Variants in TMEM42 observed in about 807,000 individuals in gnomAD.
The protein encoded by TMEM42 is transmembrane protein 42.
TMEM42 carries 8 observed loss-of-function variants against 14.0 expected under a neutral mutation model. The ratio of observed to expected loss-of-function variants is 0.57; its 90% CI spans 0.34 to 1.03. The LOEUF (loss-of-function observed/expected upper bound fraction) is 1.03. Among genes scored for constraint, TMEM42 ranks in the 50% least tolerant of loss-of-function variants. The pLI is 0.03. For missense variants in TMEM42, 211 were observed against 219.8 expected (o/e 0.96, Z 0.25); for synonymous variants, 115 against 94.3 (o/e 1.22, Z -1.27).
chr3:44,862,491 C>G (rs559009066), intron 1 of TMEM42: 1 of 152,722 alleles, frequency 6.5e-6, no homozygotes, highest in Non-Finnish European at 1.5e-5. Context: ...TTTTAAGTCC[C>G]TTGTGCCTGA....
In TMEM42 at chr3:44,862,071, C is replaced by T. The variant is rs1699260241; in HGVS notation, c.147C>T (p.Phe49=). Residue 49 remains phenylalanine, a synonymous_variant, in exon 1 of 3, where the codon TTC becomes TTT. Coordinates refer to ENST00000302392, the MANE Select transcript of TMEM42 (RefSeq NM_144638.3). The part of the protein sequence containing the change: ...GVFNCLCAGA[F]GALAAASAKL... ...TCAACTGTCTGTGCGCCGGCGCGTT[C>T]GGGGCCCTGGCCGCCGCCTCCGCCA... The T allele has an allele frequency of 9.0e-7, 1 of 1,112,204 alleles. No individual in the cohort carries two copies. The allele number at this position is 1,112,204 out of a possible 1,614,324, so 68.9% of individuals were successfully genotyped here.
In TMEM42 at chr3:44,862,089, C is replaced by T. The variant is rs1477417484; in HGVS notation, c.165C>T (p.Ala55=). 2 of 1,297,678 alleles carry T rather than the reference C, an allele frequency of 1.5e-6. No individual in the cohort carries two copies. The highest frequency in any genetic ancestry group is 2.9e-5 in the East Asian group (1 of 34,498). 80.4% of individuals were successfully genotyped at this position (1,297,678 alleles called of 1,614,324 possible). Residue 55 remains alanine, a synonymous_variant, in exon 1 of 3, where the codon GCC becomes GCT. Transcript: ENST00000302392. ...CAGAFGALAA[A]SAKLAFGSEV... ...GCGCGTTCGGGGCCCTGGCCGCCGC[C>T]TCCGCCAAGCTGGCCTTCGGCAGCG...
intron 1 of TMEM42, chr3:44,862,857 T>TC (rs1219531980): frequency 6.6e-6 from 1 of 152,004 alleles, no homozygotes; most frequent in Non-Finnish European, 1.5e-5. Context: ...TTAGGGCTAA[T>TC]CCAGTAGTAG....
chr3:44,863,301 C>CG, intron 1 of TMEM42: 1 of 51,558 alleles, frequency 1.9e-5, no homozygotes, highest in South Asian at 1.7e-3. Context: ...AGATTCCGCA[C>CG]CCCCCCCCCC....
chr3:44,865,423 CAGTG>C lies in TMEM42; in HGVS notation c.*246_*249del. The C allele has an allele frequency of 2.0e-6, 1 of 502,942 alleles. No individual in the cohort carries two copies. The highest frequency in any genetic ancestry group is 3.6e-5 in the South Asian group (1 of 28,008). 31.2% of individuals were successfully genotyped at this position (502,942 alleles called of 1,614,324 possible). A position where few individuals can be genotyped will look rare whatever the true frequency, so the allele number is the denominator to read the frequency against. The stretch of plus-strand genomic sequence containing the variant: ...TGGATTCTTCCTCCCAGGCCTACCC[CAGTG>C]AGCCTTCGCAGATGCTGGAGATCCT... On this transcript the variant is annotated 3_prime_UTR_variant, in exon 3 of 3. Transcript: ENST00000302392.
At chr3:44,863,300 A>ACACCCCC (rs1699280373) in intron 1 of TMEM42, 1 of 35,060 alleles carries the variant, frequency 2.9e-5, no homozygotes, top group Non-Finnish European at 5.8e-5. Context: ...TAGATTCCGC[A>ACACCCCC]CCCCCCCCCC....
chr3:44,862,042 G>T lies in TMEM42; in HGVS notation c.118G>T (p.Val40Leu). 1 of 1,354,816 alleles carries T rather than the reference G, an allele frequency of 7.4e-7. No homozygotes were observed. 83.9% of individuals were successfully genotyped at this position (1,354,816 alleles called of 1,614,324 possible). A position where few individuals can be genotyped will look rare whatever the true frequency, so the allele number is the denominator to read the frequency against. ...AGAMRRRFWGVFNCLCAGAFG... is the reference protein window; with the variant it reads ...AGAMRRRFWGLFNCLCAGAFG... The stretch of plus-strand genomic sequence containing the variant: ...TGCGATGCGGCGCCGCTTTTGGGGC[G>T]TATTCAACTGTCTGTGCGCCGGCGC... Residue 40 changes from valine (V) to leucine (L), a missense_variant, in exon 1 of 3, where the codon GTA (valine) becomes TTA (leucine). By Grantham distance (32) the Val-to-Leu change is conservative. Transcript: ENST00000302392.
chr3:44,862,685 A>T (rs1464773371), intron 1 of TMEM42: 1 of 150,878 alleles, frequency 6.6e-6, no homozygotes. Context: ...GACGCTGAGA[A>T]CTCCTAAACT....
In TMEM42 at chr3:44,865,075, G is replaced by A. The variant is rs376440839; in HGVS notation, c.375G>A (p.Gln125=). 1 of 1,614,062 alleles carries A rather than the reference G, an allele frequency of 6.2e-7. No individual in the cohort carries two copies. The highest frequency in any genetic ancestry group is 1.3e-5 in the African/African-American group (1 of 74,912). ...GCTATGTGCTGTATGGAGAGTGCCA[G>A]GAGGTCTTGTGGTGGGGAGGAGTGT... ...FLGYVLYGEC[Q]EVLWWGGVFL... The change falls in exon 3 of 3, where the codon CAG becomes CAA. Residue 125 remains glutamine (Q), a synonymous_variant. Coordinates refer to ENST00000302392, the MANE Select transcript of TMEM42 (RefSeq NM_144638.3).
chr3:44,862,022 T>C lies in TMEM42; in HGVS notation c.98T>C (p.Met33Thr). Residue 33 changes from methionine (M) to threonine (T), a missense_variant, in exon 1 of 3, where the codon ATG (methionine) becomes ACG (threonine). Met to Thr is a moderately conservative substitution (Grantham distance 81, BLOSUM62 -1). Transcript: ENST00000302392. ...CCTCCGCACCTCCAGGCGGGTGCGATGCGGCGCCGCTTTTGGGGCGTATTC... is the reference window on the plus strand; with the variant it reads ...CCTCCGCACCTCCAGGCGGGTGCGACGCGGCGCCGCTTTTGGGGCGTATTC... ...EFPPHLQAGAMRRRFWGVFNC... is the reference protein window; with the variant it reads ...EFPPHLQAGATRRRFWGVFNC... 2.2e-6 allele frequency: 3 copies of C among 1,379,780 alleles called. No homozygotes were observed. The allele number at this position is 1,379,780 out of a possible 1,614,324, so 85.5% of individuals were successfully genotyped here.
At chr3:44,864,494 C>A in intron 2 of TMEM42, 151 bp downstream of exon 2, 1 of 860,748 alleles carries the variant, frequency 1.2e-6, no homozygotes, top group Non-Finnish European at 1.8e-6. Flanking sequence ...GTGCTCTATT[C>A]ATGGAGCAAA....
rs763612804 is a variant in TMEM42 at position 44,865,185 on chromosome 3, A to G, written c.*5A>G. ...CTTCCACACAAGCAGCAGTAGCACC[A>G]CTTGGCTAGACGGACCAGCTGGAAA... On this transcript the variant is annotated 3_prime_UTR_variant, in exon 3 of 3. Coordinates refer to ENST00000302392, the MANE Select transcript of TMEM42 (RefSeq NM_144638.3). 3.7e-6 allele frequency: 6 copies of G among 1,614,112 alleles called. 1 individual carries two copies. The highest frequency in any genetic ancestry group is 3.3e-5 in the South Asian group (3 of 91,066).
chr3:44,865,450 C>G lies in TMEM42; in HGVS notation c.*270C>G, dbSNP rs1209892351. 1 of 454,410 alleles carries G rather than the reference C, an allele frequency of 2.2e-6. No homozygotes were observed. The highest frequency in any genetic ancestry group is 4.0e-6 in the Non-Finnish European group (1 of 250,222). 28.1% of individuals were successfully genotyped at this position (454,410 alleles called of 1,614,324 possible). ...GTGAGCCTTCGCAGATGCTGGAGAT[C>G]CTGGGGTTGGTCTGCTTTGTGTATG... is the stretch of plus-strand genomic sequence containing the variant. On this transcript the variant is annotated 3_prime_UTR_variant, in exon 3 of 3. Coordinates refer to ENST00000302392, the MANE Select transcript of TMEM42 (RefSeq NM_144638.3).
chr3:44,862,830 T>C (rs1218240291), intron 1 of TMEM42: 1 of 152,002 alleles, frequency 6.6e-6, no homozygotes, highest in African/African-American at 2.4e-5. Context: ...TCACTGATTA[T>C]TTAGGGTTAA....
rs568980014 is a variant in TMEM42, at chr3:44,865,225, C to T, written c.*45C>T. ...CCAGCTGGAAAGATCATGATGGTGG[C>T]CCAGCCTTGGGATGTCATGTGGGAC... On this transcript the variant is annotated 3_prime_UTR_variant, in exon 3 of 3. Transcript: ENST00000302392. The T allele has an allele frequency of 2.5e-6, 4 of 1,612,214 alleles. No individual in the cohort carries two copies. In the South Asian group the frequency reaches 3.3e-5, roughly 13 times the overall value.
intron 1 of TMEM42, chr3:44,862,893 A>G (rs1484618774): frequency 6.6e-6 from 1 of 151,984 alleles, no homozygotes; most frequent in Admixed American, 6.6e-5. Flanking sequence ...TTAGTATCCC[A>G]TTGGGTGTAG....
chr3:44,863,068 A>T (rs138276128), intron 1 of TMEM42: 3 of 152,090 alleles, frequency 2.0e-5, no homozygotes, highest in African/African-American at 7.2e-5. Flanking sequence ...GCAAATTTGC[A>T]AATTTAAAAC....
chr3:44,863,127 ATTAGTG>A (rs1182059991), intron 1 of TMEM42: 4 of 151,920 alleles, frequency 2.6e-5, no homozygotes, highest in Admixed American at 1.3e-4. Flanking sequence ...ATCATATATC[ATTAGTG>A]TTAGTGTATT....
intron 2 of TMEM42, 150 bp from the exon 3 acceptor site, chr3:44,864,890 C>A: frequency 1.0e-6 from 1 of 988,478 alleles, no homozygotes; most frequent in Non-Finnish European, 1.5e-6. Flanking sequence ...AATAGAGTGA[C>A]TTGATGAAGG....
Sources: allele counts gnomAD v4.1 joint callset, GRCh38; gene constraint gnomAD v4.1.1; transcripts MANE v1.5; gene names NCBI Gene and HGNC (gene_info 2026-07-23, HGNC 2026-07-21).